The following PDIA4 variants were observed in gnomAD, a reference collection of about 807,000 sequenced individuals.
The protein encoded by PDIA4 is protein disulfide-isomerase A4.
Under a neutral mutation model 62.1 loss-of-function variants are expected in PDIA4, and 33 were observed. The observed-to-expected ratio is 0.53, with a 90% CI of 0.40 to 0.71. The LOEUF (loss-of-function observed/expected upper bound fraction) is 0.71. PDIA4 is among the 30% of genes least tolerant of loss of function. The pLI is 0.00. For synonymous variants in PDIA4, 341 were observed against 324.1 expected, an observed-to-expected ratio of 1.05 and a Z score of -0.56; for missense variants, 804 against 813.6, an observed-to-expected ratio of 0.99 and a Z score of 0.14.
In PDIA4 at chr7:149,003,597, A is replaced by G; in HGVS notation, c.*197T>C. On this transcript the variant is annotated 3_prime_UTR_variant, in exon 10 of 10. Transcript: ENST00000652332. ...AAAAATAGATGTATCCTCTGTAAAA[A>G]TCTGGACTAAACTATTCAGTCATTC... 2.4e-6 allele frequency: 1 copy of G among 413,732 alleles called. No individual in the cohort carries two copies. Among genetic ancestry groups the G allele is most frequent in the Non-Finnish European group, 4.2e-6 (1 of 239,418 alleles). 25.6% of individuals were successfully genotyped at this position (413,732 alleles called of 1,614,324 possible). A position where few individuals can be genotyped will look rare whatever the true frequency, so the allele number is the denominator to read the frequency against.
At chr7:149,007,565 G>A (rs1475826312) in intron 7 of PDIA4, among the ~76,000 whole-genome samples, 1 of 152,250 alleles carries the variant, frequency 6.6e-6, no homozygotes, top group Non-Finnish European at 1.5e-5. Flanking sequence ...CCCTTCTAAA[G>A]CACTCAGAAG....
chr7:149,013,062 A>G (rs921529430), intron 4 of PDIA4, among the ~76,000 whole-genome samples: 1 of 152,176 alleles, frequency 6.6e-6, no homozygotes, highest in African/African-American at 2.4e-5. Flanking sequence ...AGCCTGGCCA[A>G]CATGGCAATA....
chr7:149,009,525 T>G (rs1823872961), intron 6 of PDIA4, among the ~76,000 whole-genome samples: 1 of 152,196 alleles, frequency 6.6e-6, no homozygotes, highest in Non-Finnish European at 1.5e-5. Context: ...GCTGCCTGTT[T>G]GTGGGCTGGA....
At chr7:149,021,412 C>T (rs558812380) in intron 1 of PDIA4, among the ~76,000 whole-genome samples, 93 of 147,688 alleles carry the variant, frequency 6.3e-4, no homozygotes, top group African/African-American at 2.1e-3. Flanking sequence ...TCGCTTGAAC[C>T]TGGGAGGCGG....
At chr7:149,019,278 G>A in intron 2 of PDIA4, 81 bp from the exon 3 acceptor site, 1 of 1,017,938 alleles carries the variant, frequency 9.8e-7, no homozygotes, top group South Asian at 1.3e-5. Context: ...TACCACTTTG[G>A]TTTGGATGTG....
intron 9 of PDIA4, 35 bp from the exon 10 acceptor site, chr7:149,004,244 T>G (rs1823661714): frequency 6.3e-6 from 10 of 1,582,676 alleles, no homozygotes; most frequent in Non-Finnish European, 8.6e-6. Flanking sequence ...GGGGCGTCAG[T>G]GCTGCAAAGG....
At chr7:149,018,535 G>A (rs969489792) in intron 3 of PDIA4, among the ~76,000 whole-genome samples, 6 of 152,046 alleles carry the variant, frequency 3.9e-5, no homozygotes, top group African/African-American at 9.7e-5. Flanking sequence ...AGGTTCAAGC[G>A]ATTATCCTGC....
Position 149,014,986 on chromosome 7 carries a change from C to A in PDIA4, c.532G>T (p.Val178Phe), listed in dbSNP as rs369787068. The change falls in exon 4 of 10, where the codon GTC becomes TTC. Residue 178 changes from valine to phenylalanine, a missense_variant. By Grantham distance (50) the Val-to-Phe change is conservative. Transcript: ENST00000652332. ...TTCTCTTTGGTCAACACAAGCGTGA[C>A]TTCTGGTGGAGGCGTCCAGTCGGGC... ...SQPDWTPPPE[V>F]TLVLTKENFD... 15 of 1,614,100 alleles carry A rather than the reference C, an allele frequency of 9.3e-6. No individual in the cohort carries two copies. Among genetic ancestry groups the A allele is most frequent in the Admixed American group, 1.7e-5 (1 of 60,002 alleles).
intron 1 of PDIA4, among the ~76,000 whole-genome samples, chr7:149,022,699 C>CA (rs1824397269): frequency 6.6e-6 from 1 of 151,962 alleles, no homozygotes; most frequent in Non-Finnish European, 1.5e-5. Context: ...GAAGGAACCC[C>CA]GCGTGGACTC....
intron 6 of PDIA4, among the ~76,000 whole-genome samples, chr7:149,010,045 G>T (rs1018243512): frequency 2.6e-5 from 4 of 152,170 alleles, no homozygotes; most frequent in Non-Finnish European, 5.9e-5. Context: ...CAGGGGATGG[G>T]GGGGCAGCCT....
intron 1 of PDIA4, among the ~76,000 whole-genome samples, chr7:149,022,520 C>G (rs79777750): frequency 0.025 from 3,874 of 152,280 alleles, 87 homozygotes; most frequent in East Asian, 0.075. Flanking sequence ...ACGGCAATTT[C>G]ATTAACGCTG....
intron 8 of PDIA4, among the ~76,000 whole-genome samples, chr7:149,005,665 G>A (rs568968273): frequency 6.6e-6 from 1 of 152,296 alleles, no homozygotes; most frequent in Non-Finnish European, 1.5e-5. Flanking sequence ...CCAAGTCTCA[G>A]CTACGTCAAC....
chr7:149,011,958 C>G lies in PDIA4; in HGVS notation c.867G>C (p.Glu289Asp). The change falls in exon 6 of 10, where the codon GAG (glutamate) becomes GAC (aspartate). Residue 289 changes from glutamate (E) to aspartate (D), a missense_variant. By Grantham distance (45) the Glu-to-Asp change is conservative (BLOSUM62 2). Coordinates refer to ENST00000652332, the MANE Select transcript of PDIA4 (RefSeq NM_004911.5). ...MIEQSGPPSK[E>D]ILTLKQVQEF... Reference sequence around the variant, plus strand: ...CCTGGACCTGCTTCAGGGTCAGAATCTCCTTGGAGGGAGGCCCGGACTGCT... The same window carrying G: ...CCTGGACCTGCTTCAGGGTCAGAATGTCCTTGGAGGGAGGCCCGGACTGCT... The G allele has an allele frequency of 1.2e-6, 2 of 1,609,378 alleles. No individual in the cohort carries two copies. The highest frequency in any genetic ancestry group is 1.7e-6 in the Non-Finnish European group (2 of 1,177,374).
chr7:149,010,110 G>C (rs2129504364), intron 6 of PDIA4, among the ~76,000 whole-genome samples: 1 of 152,272 alleles, frequency 6.6e-6, no homozygotes, highest in Middle Eastern at 3.4e-3. Flanking sequence ...TGATAGGTTT[G>C]TGACCTACTA....
intron 1 of PDIA4, among the ~76,000 whole-genome samples, chr7:149,022,858 C>T (rs1318378945): frequency 1.6e-4 from 25 of 152,208 alleles, no homozygotes; most frequent in Non-Finnish European, 2.9e-5. Flanking sequence ...AATCTGCAAA[C>T]TTTACAAAAA....
intron 1 of PDIA4, among the ~76,000 whole-genome samples, chr7:149,022,538 A>G (rs1824390163): frequency 6.6e-6 from 1 of 152,168 alleles, no homozygotes; most frequent in African/African-American, 2.4e-5. Flanking sequence ...CTGAAGCCAG[A>G]ATGTTTCCGG....
chr7:149,011,206 G>A (rs1464383530), intron 6 of PDIA4, among the ~76,000 whole-genome samples: 1 of 152,146 alleles, frequency 6.6e-6, no homozygotes, highest in African/African-American at 2.4e-5. Context: ...ACATCAATGA[G>A]GATGGCCAGG....
At chr7:149,012,557 C>T (rs1046455361) in intron 4 of PDIA4, among the ~76,000 whole-genome samples, 197 bp from the exon 5 acceptor site, 13 of 152,204 alleles carry the variant, frequency 8.5e-5, no homozygotes, top group African/African-American at 3.1e-4. Context: ...CTTCATCCCA[C>T]AGCATTCACA....
chr7:149,024,941 A>G (rs1050013000), intron 1 of PDIA4, among the ~76,000 whole-genome samples: 4 of 150,872 alleles, frequency 2.7e-5, no homozygotes, highest in Non-Finnish European at 4.4e-5. Flanking sequence ...CCTGACCAAC[A>G]TGGAGAAACC....
Sources: allele counts gnomAD v4.1 joint callset (sites outside exome capture counted in the v4.1 genomes callset), GRCh38; gene constraint gnomAD v4.1.1; transcripts MANE v1.5; gene names NCBI Gene and HGNC (gene_info 2026-07-23, HGNC 2026-07-21).